SLC35C1: variants seen among roughly 807,000 people sequenced by gnomAD.
SLC35C1 encodes GDP-fucose transporter 1.
In SLC35C1, 8 loss-of-function variants were observed where a neutral mutation model predicts 23.2. The observed-to-expected ratio is 0.35, with a 90% CI of 0.20 to 0.62. SLC35C1 has a LOEUF of 0.62. SLC35C1 is among the 20% of genes least tolerant of loss of function. SLC35C1 has a pLI of 0.75. For missense variants in SLC35C1, 422 were observed against 478.6 expected (o/e 0.88, Z 1.10); for synonymous variants, 226 against 225.1 (o/e 1.00, Z -0.04).
chr11:45,805,854 G>C lies in SLC35C1; in HGVS notation c.53G>C (p.Gly18Ala). ...RSRILHMALT[G>A]ASDPSAEAEA... ...AGGATCCTGCACATGGCGCTGACCG[G>C]GGCCTCAGACCCCTCTGCAGAGGCA... Residue 18 changes from glycine (G) to alanine (A), a missense_variant, in exon 1 of 2, where the codon GGG becomes GCG. By Grantham distance (60) the Gly-to-Ala change is moderately conservative (BLOSUM62 0). Transcript: ENST00000314134. 1.2e-6 allele frequency: 2 copies of C among 1,614,092 alleles called. No individual in the cohort carries two copies. The highest frequency in any genetic ancestry group is 1.7e-6 in the Non-Finnish European group (2 of 1,180,028).
At position 45,805,467 on chromosome 11, in the gene SLC35C1, T is replaced by G. The variant is rs1307011308; in HGVS notation, c.-335T>G. The G allele has an allele frequency of 1.7e-6, 2 of 1,192,598 alleles. No individual in the cohort carries two copies. Among genetic ancestry groups the G allele is most frequent in the South Asian group, 2.1e-5 (1 of 47,430 alleles). The allele number at this position is 1,192,598 out of a possible 1,614,324, so 73.9% of individuals were successfully genotyped here. On this transcript the variant is annotated 5_prime_UTR_variant, in exon 1 of 2. Transcript: ENST00000314134. ...CGCCCTGCCATTCCTCTCCCCTCCC[T>G]TCTCTCTGCGACCCCTCCCTGTTAG...
At chr11:45,809,737 AC>A (rs2085917082) in intron 1 of SLC35C1, 1 of 985,082 alleles carries the variant, frequency 1.0e-6, no homozygotes, top group Non-Finnish European at 1.2e-6. Flanking sequence ...AATCCCTCTG[AC>A]CCCAAAACTT....
Position 45,805,171 on chromosome 11 carries a change from G to A in SLC35C1, c.-631G>A. On this transcript the variant is annotated 5_prime_UTR_variant, in exon 1 of 2. The change creates a premature stop within an existing upstream ORF in the 5' untranslated region. Coordinates refer to ENST00000314134, the MANE Select transcript of SLC35C1 (RefSeq NM_018389.5). ...GGCCTCGGATGTCCGGAGGCTCCTG[G>A]GCTGAGCCGGCGACAGAGCCCGGGA... The A allele has an allele frequency of 1.0e-6, 1 of 991,146 alleles. No homozygotes were observed. Among genetic ancestry groups the A allele is most frequent in the South Asian group, 4.5e-5 (1 of 22,226 alleles). The allele number at this position is 991,146 out of a possible 1,614,324, so 61.4% of individuals were successfully genotyped here.
In SLC35C1 at chr11:45,812,552, A is replaced by C. The variant is rs1238583546; in HGVS notation, c.*1217A>C. 3 of 455,908 alleles carry C rather than the reference A, an allele frequency of 6.6e-6. No individual in the cohort carries two copies. Among genetic ancestry groups the C allele is most frequent in the Non-Finnish European group, 1.3e-5 (3 of 226,782 alleles). The allele number at this position is 455,908 out of a possible 1,614,324, so 28.2% of individuals were successfully genotyped here. ...CTGAGGGCTGTTTCCCGATCCATAG[A>C]TGGTGCCTTCTCGCTGTATCCTCAA... On this transcript the variant is annotated 3_prime_UTR_variant, in exon 2 of 2. Coordinates refer to ENST00000314134, the MANE Select transcript of SLC35C1 (RefSeq NM_018389.5).
upstream of SLC35C1, chr11:45,804,657 G>C (rs1006090783): frequency 2.0e-6 from 2 of 985,684 alleles, no homozygotes; most frequent in African/African-American, 1.7e-5. Flanking sequence ...CGGGGGTCTC[G>C]GGCTTGGGAG....
At position 45,805,999 on chromosome 11, in the gene SLC35C1, C is replaced by T. The variant is rs1358909221; in HGVS notation, c.198C>T (p.Pro66=). 1.9e-6 allele frequency: 3 copies of T among 1,614,116 alleles called. No individual in the cohort carries two copies. Among genetic ancestry groups the T allele is most frequent in the Non-Finnish European group, 8.5e-7 (1 of 1,180,024 alleles). The change falls in exon 1 of 2, where the codon CCC becomes CCT. Residue 66 remains proline, a synonymous_variant. Transcript: ENST00000314134. The part of the protein sequence containing the change: ...VFLNKYLLDS[P]SLRLDTPIFV... Reference sequence around the variant, plus strand: ...TTAATAAGTACCTGCTGGACAGCCCCTCCCTGCGGCTGGACACCCCCATCT... The same window carrying T: ...TTAATAAGTACCTGCTGGACAGCCCTTCCCTGCGGCTGGACACCCCCATCT...
upstream of SLC35C1, chr11:45,804,305 A>G (rs2085843231): frequency 5.3e-6 from 1 of 190,138 alleles, no homozygotes; most frequent in African/African-American, 2.4e-5. Context: ...CGAGGCTGGC[A>G]AGGTGCCCGG....
chr11:45,809,310 G>A (rs1267216622), intron 1 of SLC35C1, among the ~76,000 whole-genome samples: 2 of 152,186 alleles, frequency 1.3e-5, no homozygotes, highest in African/African-American at 4.8e-5. Context: ...GGGACCCGGG[G>A]ACAGGGCAGT....
At chr11:45,810,747 C>T (rs1352274025) in intron 1 of SLC35C1, 29 bp from the exon 2 acceptor site, 3 of 1,602,428 alleles carry the variant, frequency 1.9e-6, no homozygotes, top group East Asian at 4.5e-5. Flanking sequence ...CTTCCTCACC[C>T]TTCCCCACTC....
rs1038437006 is a variant in SLC35C1 at position 45,805,208 on chromosome 11, C to T, written c.-594C>T. The T allele has an allele frequency of 1.5e-4, 148 of 991,858 alleles. No homozygotes were observed. Among genetic ancestry groups the T allele is most frequent in the Non-Finnish European group, 1.7e-4 (138 of 833,462 alleles). 61.4% of individuals were successfully genotyped at this position (991,858 alleles called of 1,614,324 possible). ...GACAGAGCCCGGGAAGGCAGCGAGA[C>T]GTGGGCGCCGGCCCAGCCCCCTCCC... On this transcript the variant is annotated 5_prime_UTR_variant, in exon 1 of 2. The change creates a new upstream start codon in the 5' untranslated region. Coordinates refer to ENST00000314134, the MANE Select transcript of SLC35C1 (RefSeq NM_018389.5).
rs559037795 is a variant in SLC35C1 at position 45,811,428 on chromosome 11, G to A, written c.*93G>A. 35 of 1,061,948 alleles carry A rather than the reference G, an allele frequency of 3.3e-5. No homozygotes were observed. The highest frequency in any genetic ancestry group is 5.2e-5 in the East Asian group (2 of 38,180). 65.8% of individuals were successfully genotyped at this position (1,061,948 alleles called of 1,614,324 possible). ...AGGCGGTCTCCTGGACCCCAGAAGC[G>A]TGCTGTGGTGTGGACTGGGTGCTAC... On this transcript the variant is annotated 3_prime_UTR_variant, in exon 2 of 2. Coordinates refer to ENST00000314134, the MANE Select transcript of SLC35C1 (RefSeq NM_018389.5).
intron 1 of SLC35C1, among the ~76,000 whole-genome samples, chr11:45,809,442 C>A (rs369590465): frequency 6.6e-6 from 1 of 152,006 alleles, no homozygotes; most frequent in African/African-American, 2.4e-5. Flanking sequence ...GCAAGACTCA[C>A]CAGACACAAG....
intron 1 of SLC35C1, chr11:45,809,683 C>T (rs2085916018): frequency 1.1e-6 from 1 of 925,208 alleles, no homozygotes; most frequent in East Asian, 1.2e-4. Flanking sequence ...GTAACTTCTC[C>T]CAGGCCACTC....
chr11:45,810,379 A>T (rs1157636081), intron 1 of SLC35C1: 11 of 985,188 alleles, frequency 1.1e-5, no homozygotes, highest in South Asian at 9.4e-5. Context: ...ATTCTTCAGA[A>T]CTCAGTTCAA....
At chr11:45,806,375 T>A in intron 1 of SLC35C1, 39 bp downstream of exon 1, 1 of 1,606,540 alleles carries the variant, frequency 6.2e-7, no homozygotes, top group South Asian at 1.1e-5. Context: ...AGAGTGGTCA[T>A]GGGGACTGAA....
chr11:45,805,335 G>GGGCCCCCCCCCCCC lies in SLC35C1; in HGVS notation c.-467_-466insGGCCCCCCCCCCCC. Reference sequence around the variant, plus strand: ...GCTCCCTGTACGCCTCCCTCCCCCTGCCCGCCCCTCCCTCCCACAGCCGCC... The same window carrying GGGCCCCCCCCCCCC: ...GCTCCCTGTACGCCTCCCTCCCCCTGGGCCCCCCCCCCCCCCCGCCCCTCCCTCCCACAGCCGCC... On this transcript the variant is annotated 5_prime_UTR_variant, in exon 1 of 2. Transcript: ENST00000314134. 1.8e-6 allele frequency: 1 copy of GGGCCCCCCCCCCCC among 566,218 alleles called. No homozygotes were observed. Among genetic ancestry groups the GGGCCCCCCCCCCCC allele is most frequent in the Non-Finnish European group, 2.1e-6 (1 of 483,470 alleles). 35.1% of individuals were successfully genotyped at this position (566,218 alleles called of 1,614,324 possible).
At position 45,805,171 on chromosome 11, in the gene SLC35C1, G is replaced by GGCTGAGCCGGCGACAGAGC. The variant is rs1436554169; in HGVS notation, c.-630_-612dup. 1 of 991,028 alleles carries GGCTGAGCCGGCGACAGAGC rather than the reference G, an allele frequency of 1.0e-6. No homozygotes were observed. The highest frequency in any genetic ancestry group is 1.2e-6 in the Non-Finnish European group (1 of 833,066). 61.4% of individuals were successfully genotyped at this position (991,028 alleles called of 1,614,324 possible). On this transcript the variant is annotated 5_prime_UTR_variant, in exon 1 of 2. An upstream open reading frame in the 5' UTR gains an earlier in-frame stop. Transcript: ENST00000314134. Reference sequence around the variant, plus strand: ...GGCCTCGGATGTCCGGAGGCTCCTGGGCTGAGCCGGCGACAGAGCCCGGGA... The same window carrying GGCTGAGCCGGCGACAGAGC: ...GGCCTCGGATGTCCGGAGGCTCCTGGGCTGAGCCGGCGACAGAGCGCTGAGCCGGCGACAGAGCCCGGGA...
In SLC35C1 at chr11:45,811,352, G is replaced by A; in HGVS notation, c.*17G>A. The A allele has an allele frequency of 1.3e-6, 2 of 1,484,458 alleles. No homozygotes were observed. Among genetic ancestry groups the A allele is most frequent in the East Asian group, 2.3e-5 (1 of 42,870 alleles). 92.0% of individuals were successfully genotyped at this position (1,484,458 alleles called of 1,614,324 possible). A position where few individuals can be genotyped will look rare whatever the true frequency, so the allele number is the denominator to read the frequency against. ...GGGGTGTGAGCACCACAGGCACCCTGGATGGCCCGGCCCCGGGGCCCGTAC... is the reference window on the plus strand; with the variant it reads ...GGGGTGTGAGCACCACAGGCACCCTAGATGGCCCGGCCCCGGGGCCCGTAC... On this transcript the variant is annotated 3_prime_UTR_variant, in exon 2 of 2. Coordinates refer to ENST00000314134, the MANE Select transcript of SLC35C1 (RefSeq NM_018389.5).
intron 1 of SLC35C1, among the ~76,000 whole-genome samples, chr11:45,808,875 T>C (rs1312315575): frequency 1.3e-5 from 2 of 152,006 alleles, no homozygotes; most frequent in African/African-American, 4.8e-5. Flanking sequence ...TGGTGGCGCA[T>C]CCCTGTAATC....
Sources: gnomAD v4.1 joint callset for allele counts (sites outside exome capture counted in the v4.1 genomes callset) on GRCh38, gnomAD v4.1.1 for gene constraint, MANE v1.5 for transcripts, NCBI Gene and HGNC (gene_info 2026-07-23, HGNC 2026-07-21) for gene names.